The following CUX1 variants were observed in gnomAD, a reference collection of about 807,000 sequenced individuals.
CUX1 encodes cut like homeobox 1.
A neutral mutation model predicts 158.8 loss-of-function variants in CUX1; 31 were observed. The ratio of observed to expected loss-of-function variants is 0.20; its 90% CI spans 0.15 to 0.26. The LOEUF (loss-of-function observed/expected upper bound fraction) is 0.26, where lower values mean the gene tolerates loss of function less well. CUX1 is among the 10% of genes least tolerant of loss of function. CUX1 has a pLI of 1.00. For synonymous variants in CUX1, 879 were observed against 862.1 expected (o/e 1.02, Z -0.34); for missense variants, 1,589 against 2,014.6 (o/e 0.79, Z 4.04).
At chr7:102,193,284 T>A (rs1466751767) in intron 12 of CUX1, among the ~76,000 whole-genome samples, 1 of 152,246 alleles carries the variant, frequency 6.6e-6, no homozygotes, top group Non-Finnish European at 1.5e-5. Flanking sequence ...ATGTCTGTAT[T>A]AAACTTTAAA....
chr7:102,158,232 T>C (rs1205418650), intron 8 of CUX1, among the ~76,000 whole-genome samples: 1 of 152,184 alleles, frequency 6.6e-6, no homozygotes, highest in Non-Finnish European at 1.5e-5. Context: ...CCCTCTTTTT[T>C]TCAGAGCACT....
chr7:101,923,866 T>G (rs1045943885), intron 2 of CUX1, among the ~76,000 whole-genome samples: 2 of 152,228 alleles, frequency 1.3e-5, no homozygotes, highest in Admixed American at 6.5e-5. Flanking sequence ...ATCCACTTTC[T>G]TTTCCTTTCC....
rs1554541365 is a variant in CUX1, at chr7:102,254,495, C to T, written c.*5453C>T. On this transcript the variant is annotated 3_prime_UTR_variant, in exon 24 of 24. Coordinates refer to ENST00000292535, the MANE Select transcript of CUX1 (RefSeq NM_181552.4). ...TTATCCCAAAAGAATATGCCAGTTC[C>T]CATCCAGCACCGAAGAAAATCAGCT... 1 of 985,394 alleles carries T rather than the reference C, an allele frequency of 1.0e-6. No homozygotes were observed. The highest frequency in any genetic ancestry group is 1.2e-6 in the Non-Finnish European group (1 of 829,978). 61.0% of individuals were successfully genotyped at this position (985,394 alleles called of 1,614,324 possible).
At chr7:102,067,937 T>G (rs1825728775) in intron 3 of CUX1, among the ~76,000 whole-genome samples, 1 of 151,564 alleles carries the variant, frequency 6.6e-6, no homozygotes, top group South Asian at 2.1e-4. Context: ...AGGAGAATTG[T>G]TTGAACCCGG....
rs1217077899 is a variant in CUX1 at position 102,255,739 on chromosome 7, CAAG to C, written c.*6699_*6701del. ...AGCATTGGGACTTCTGCTGGTGAAA[CAAG>C]AGACCATTCAGCAAGACACATTGAA... On this transcript the variant is annotated 3_prime_UTR_variant, in exon 24 of 24. Transcript: ENST00000292535. 39 of 985,260 alleles carry C rather than the reference CAAG, an allele frequency of 4.0e-5. No homozygotes were observed. The highest frequency in any genetic ancestry group is 4.6e-5 in the Non-Finnish European group (38 of 829,932). 61.0% of individuals were successfully genotyped at this position (985,260 alleles called of 1,614,324 possible).
At chr7:101,901,829 A>G (rs1457389099) in intron 1 of CUX1, among the ~76,000 whole-genome samples, 1 of 152,244 alleles carries the variant, frequency 6.6e-6, no homozygotes, top group African/African-American at 2.4e-5. Flanking sequence ...CTCCTCGCGA[A>G]GGGGAAGGGA....
chr7:102,113,418 A>G (rs552951332), intron 7 of CUX1, among the ~76,000 whole-genome samples: 19 of 152,006 alleles, frequency 1.2e-4, no homozygotes, highest in Non-Finnish European at 2.2e-4. Context: ...GCATGCCACC[A>G]TGCCCGGTTA....
intron 8 of CUX1, among the ~76,000 whole-genome samples, chr7:102,141,549 C>T (rs967612379): frequency 6.6e-6 from 1 of 152,054 alleles, no homozygotes; most frequent in Non-Finnish European, 1.5e-5. Flanking sequence ...GGAGAGGAAG[C>T]TGAGAGCGAT....
intron 22 of CUX1, among the ~76,000 whole-genome samples, chr7:102,238,217 G>A (rs184045641): frequency 2.8e-4 from 40 of 141,566 alleles, no homozygotes; most frequent in African/African-American, 8.3e-4. Flanking sequence ...TCCCTTTCCC[G>A]GGATACTCCC....
chr7:102,101,439 C>A (rs782136395), intron 5 of CUX1, among the ~76,000 whole-genome samples: 19 of 152,150 alleles, frequency 1.2e-4, no homozygotes, highest in Non-Finnish European at 2.2e-4. Flanking sequence ...ATAAAGTGGC[C>A]TCTGGCTGAG....
intron 5 of CUX1, among the ~76,000 whole-genome samples, chr7:102,103,434 TCACTCACTCA>T (rs782377953): frequency 9.5e-6 from 1 of 105,602 alleles, no homozygotes; most frequent in African/African-American, 3.2e-5. Context: ...TCTCTCTCTC[TCACTCACTCA>T]CTCACTCACT....
chr7:102,051,654 C>CAAAAAAAAAAAAAA (rs1299911064), intron 3 of CUX1, among the ~76,000 whole-genome samples: 2 of 89,748 alleles, frequency 2.2e-5, no homozygotes, highest in African/African-American at 8.0e-5. Flanking sequence ...GACTCTGTCT[C>CAAAAAAAAAAAAAA]AAAAAAAAAA....
rs1024741963 is a variant in CUX1 at position 101,959,810 on chromosome 7, G to A, written c.141+43585G>A. 2.6e-5 allele frequency among the ~76,000 whole-genome samples: 4 copies of A among 152,026 alleles called. No homozygotes were observed. In the South Asian group the frequency reaches 6.2e-4, roughly 24 times the overall value. On this transcript the variant is annotated intron_variant, in intron 2 of 23. Transcript: ENST00000292535. Reference sequence around the variant, plus strand: ...GGTGTTCTGCGGAGGATTTCACCGCGTACATATTCTCTGTTTGGACATGGT... The same window carrying A: ...GGTGTTCTGCGGAGGATTTCACCGCATACATATTCTCTGTTTGGACATGGT...
At position 101,870,155 on chromosome 7, in the gene CUX1, T is replaced by G. The variant is rs1240851899; in HGVS notation, c.31-45960T>G. Reference sequence around the variant, plus strand: ...CCCTGATGTTTAGTGTTTTTTTTGTTTTTTTTTTTTTTTTTAAAGACAGCA... The same window carrying G: ...CCCTGATGTTTAGTGTTTTTTTTGTGTTTTTTTTTTTTTTTAAAGACAGCA... On this transcript the variant is annotated intron_variant, in intron 1 of 23. Transcript: ENST00000292535. 2.2e-4 allele frequency among the ~76,000 whole-genome samples: 33 copies of G among 148,116 alleles called. 1 individual carries two copies. The highest frequency in any genetic ancestry group is 1.1e-3 in the Admixed American group (16 of 14,974).
At chr7:102,016,896 G>A (rs1818661323) in intron 2 of CUX1, among the ~76,000 whole-genome samples, 1 of 152,220 alleles carries the variant, frequency 6.6e-6, no homozygotes. Context: ...TGACACAGTG[G>A]CAAAAGTCGG....
At chr7:101,972,819 C>T (rs528888718) in intron 2 of CUX1, among the ~76,000 whole-genome samples, 2 of 152,234 alleles carry the variant, frequency 1.3e-5, no homozygotes, top group African/African-American at 2.4e-5. Context: ...CCCGGGAGCT[C>T]GCCGCGTGGT....
intron 3 of CUX1, among the ~76,000 whole-genome samples, chr7:102,045,066 T>C (rs1303049194): frequency 1.3e-5 from 2 of 152,184 alleles, no homozygotes; most frequent in Non-Finnish European, 2.9e-5. Flanking sequence ...CATTATCTTA[T>C]GGCAAAACCC....
At chr7:102,119,313 A>T (rs1831782938) in intron 8 of CUX1, among the ~76,000 whole-genome samples, 1 of 152,132 alleles carries the variant, frequency 6.6e-6, no homozygotes, top group Admixed American at 6.5e-5. Context: ...AGAAGCCCGC[A>T]GGTCTGTGGT....
chr7:102,201,025 TAAAAAA>T lies in CUX1; in HGVS notation c.2063-311_2063-306del, dbSNP rs78359248. On this transcript the variant is annotated intron_variant, in intron 17 of 23. Transcript: ENST00000292535. This position sits in a 1 kb window ranked among gnomAD's most constrained non-coding sequence, Gnocchi z 5.0. ...CTGGACAACAGCGAGATCCTGTCGC[TAAAAAA>T]AAAAAAAAAAAAAAAAAAAAAAATT... Among the ~76,000 whole-genome samples, 9 of 42,138 alleles carry T rather than the reference TAAAAAA, an allele frequency of 2.1e-4. No individual in the cohort carries two copies. The highest frequency in any genetic ancestry group is 8.3e-4 in the African/African-American group (8 of 9,696). 27.6% of individuals were successfully genotyped at this position (42,138 alleles called of 152,430 possible). A position where few individuals can be genotyped will look rare whatever the true frequency, so the allele number is the denominator to read the frequency against.
Sources: gnomAD v4.1 joint callset for allele counts (sites outside exome capture counted in the v4.1 genomes callset) on GRCh38, gnomAD v4.1.1 for gene constraint, Gnocchi (gnomAD v3.1) non-coding constraint, MANE v1.5 for transcripts, NCBI Gene and HGNC (gene_info 2026-07-23, HGNC 2026-07-21) for gene names.